ADGRV1: variants seen among roughly 807,000 people sequenced by gnomAD.
The protein encoded by ADGRV1 is G-protein coupled receptor 98.
Under a neutral mutation model 596.2 loss-of-function variants are expected in ADGRV1, and 359 were observed. The observed-to-expected ratio is 0.60, with a 90% CI of 0.55 to 0.66. The LOEUF is 0.66. ADGRV1 is among the 30% of genes least tolerant of loss of function. The pLI is 0.00. For missense variants in ADGRV1, 7,274 were observed against 7,575.6 expected (o/e 0.96, Z 1.48); for synonymous variants, 2,681 against 2,679.2 (o/e 1.00, Z -0.02).
chr5:90,567,065 TC>T (rs1218863159), intron 1 of ADGRV1, among the ~76,000 whole-genome samples: 10 of 152,158 alleles, frequency 6.6e-5, no homozygotes, highest in African/African-American at 2.4e-4. Context: ...ATCATGTGAT[TC>T]CCTCTGCTTT....
intron 1 of ADGRV1, among the ~76,000 whole-genome samples, chr5:90,565,062 C>G (rs1755457775): frequency 6.6e-6 from 1 of 152,026 alleles, no homozygotes; most frequent in African/African-American, 2.4e-5. Flanking sequence ...TGGTGAAACC[C>G]TGTCTATACT....
intron 87 of ADGRV1, among the ~76,000 whole-genome samples, chr5:91,115,528 A>G (rs778446542): frequency 6.6e-6 from 1 of 152,230 alleles, no homozygotes; most frequent in African/African-American, 2.4e-5. Flanking sequence ...AACTAAAACA[A>G]TAAATATGGA....
At chr5:90,569,388 T>TATATATA (rs1554048594) in intron 1 of ADGRV1, among the ~76,000 whole-genome samples, 3 of 18,822 alleles carry the variant, frequency 1.6e-4, no homozygotes, top group African/African-American at 4.7e-4. Flanking sequence ...TATATATATA[T>TATATATA]TTTTTTTTTT....
chr5:90,783,544 C>A (rs1461957134), intron 66 of ADGRV1, among the ~76,000 whole-genome samples: 1 of 152,140 alleles, frequency 6.6e-6, no homozygotes, highest in East Asian at 1.9e-4. Flanking sequence ...ATAATATTTT[C>A]TGTTTCTCTA....
chr5:90,982,486 A>T (rs903167206), intron 84 of ADGRV1, among the ~76,000 whole-genome samples: 5 of 152,204 alleles, frequency 3.3e-5, no homozygotes, highest in African/African-American at 1.2e-4. Context: ...TTTGGGTGGA[A>T]GAAGAAAGAA....
At chr5:90,972,423 T>A (rs1779130652) in intron 84 of ADGRV1, among the ~76,000 whole-genome samples, 1 of 152,156 alleles carries the variant, frequency 6.6e-6, no homozygotes. Context: ...CACATCGCAC[T>A]TATTCCAAAA....
At chr5:90,697,228 T>A (rs10942604) in intron 34 of ADGRV1, 82 bp downstream of exon 34, 1 of 1,227,110 alleles carries the variant, frequency 8.1e-7, no homozygotes, top group African/African-American at 1.5e-5. Context: ...AACTTGATAG[T>A]TTTTCCCTTT....
chr5:90,781,349 T>A (rs1419129146), intron 64 of ADGRV1, 81 bp from the exon 65 acceptor site: 1 of 1,039,376 alleles, frequency 9.6e-7, no homozygotes. Flanking sequence ...GCTAAGAGGA[T>A]CTTTTAATTC....
chr5:91,105,840 AGCATTTTATAAATGCT>A (rs1242656330), intron 87 of ADGRV1, among the ~76,000 whole-genome samples: 2 of 151,894 alleles, frequency 1.3e-5, no homozygotes, highest in Non-Finnish European at 2.9e-5. Context: ...TTATGAAATA[AGCATTTTATAAATGCT>A]TTAGAACATT....
chr5:91,154,795 G>A (rs947139355), intron 89 of ADGRV1, among the ~76,000 whole-genome samples: 1 of 152,166 alleles, frequency 6.6e-6, no homozygotes, highest in Non-Finnish European at 1.5e-5. Flanking sequence ...CAGGGGAAAT[G>A]CCAGACACTT....
At chr5:90,809,959 G>A (rs1371601627) in intron 73 of ADGRV1, among the ~76,000 whole-genome samples, 1 of 152,200 alleles carries the variant, frequency 6.6e-6, no homozygotes, top group African/African-American at 2.4e-5. Context: ...TCAGACAGCT[G>A]CTCTGGGATG....
At chr5:90,749,043 T>C (rs1373771633) in intron 52 of ADGRV1, among the ~76,000 whole-genome samples, 1 of 152,188 alleles carries the variant, frequency 6.6e-6, no homozygotes, top group African/African-American at 2.4e-5. Context: ...CATGCTCTGC[T>C]GTGTGGTTCC....
At chr5:90,976,764 A>G (rs1306083934) in intron 84 of ADGRV1, among the ~76,000 whole-genome samples, 1 of 152,176 alleles carries the variant, frequency 6.6e-6, no homozygotes, top group Non-Finnish European at 1.5e-5. Context: ...ACCAAGTTAA[A>G]TGATTGTATA....
chr5:91,133,138 G>A (rs1204547401), intron 87 of ADGRV1, among the ~76,000 whole-genome samples: 1 of 152,194 alleles, frequency 6.6e-6, no homozygotes, highest in Non-Finnish European at 1.5e-5. Flanking sequence ...TTTAGGTTTA[G>A]GGGTACGTGT....
chr5:90,916,059 G>T (rs1773320995), intron 83 of ADGRV1, among the ~76,000 whole-genome samples: 1 of 152,062 alleles, frequency 6.6e-6, no homozygotes, highest in African/African-American at 2.4e-5. Context: ...CCAGGGCTTA[G>T]GGAATTGGAG....
intron 26 of ADGRV1, among the ~76,000 whole-genome samples, chr5:90,680,121 G>A (rs1744744777): frequency 1.3e-5 from 2 of 152,086 alleles, no homozygotes; most frequent in African/African-American, 2.4e-5. Flanking sequence ...AGACCGAGGC[G>A]GGCTGATCAC....
chr5:90,617,753 T>C (rs1255447362), intron 2 of ADGRV1, 51 bp from the exon 3 acceptor site: 2 of 1,451,148 alleles, frequency 1.4e-6, no homozygotes, highest in Non-Finnish European at 1.9e-6. Flanking sequence ...TCAGTTTTAC[T>C]TGTCCTAATA....
At chr5:90,570,565 T>C (rs1364650270) in intron 1 of ADGRV1, among the ~76,000 whole-genome samples, 1 of 152,150 alleles carries the variant, frequency 6.6e-6, no homozygotes, top group East Asian at 1.9e-4. Context: ...TAGGTCTATG[T>C]TGGTATATTT....
chr5:90,647,551 A>G lies in ADGRV1; in HGVS notation c.3076A>G (p.Arg1026Gly). The change falls in exon 17 of 90, where the codon AGA becomes GGA. Residue 1026 changes from arginine (R) to glycine (G), a missense_variant. Physicochemically the swap from Arg to Gly is moderately radical, Grantham distance 125. Around this residue, in one of 5 missense-constraint regions of ADGRV1, gnomAD observed 1,715 missense variants for 1,708.8 expected, o/e 1.00. Transcript: ENST00000405460. Reference protein sequence around the residue: ...EGETANFTVLRNGSVDVTCMV... With the variant: ...EGETANFTVLGNGSVDVTCMV... ...TGAGACTGCCAACTTTACAGTTCTCAGAAATGGATCTGTTGATGTGACTTG... is the reference window on the plus strand; with the variant it reads ...TGAGACTGCCAACTTTACAGTTCTCGGAAATGGATCTGTTGATGTGACTTG... 8 of 1,613,854 alleles carry G rather than the reference A, an allele frequency of 5.0e-6. No homozygotes were observed. Among genetic ancestry groups the G allele is most frequent in the Non-Finnish European group, 6.8e-6 (8 of 1,179,748 alleles).
Sources: allele counts gnomAD v4.1 joint callset (sites outside exome capture counted in the v4.1 genomes callset), GRCh38; gene constraint gnomAD v4.1.1; regional missense constraint gnomAD v4.1.1; transcripts MANE v1.5; gene names NCBI Gene and HGNC (gene_info 2026-07-23, HGNC 2026-07-21).